The following MALRD1 variants were observed in gnomAD, a reference collection of about 807,000 sequenced individuals.
MALRD1 encodes MAM and LDL-receptor class A domain-containing protein 1.
A neutral mutation model predicts 242.1 loss-of-function variants in MALRD1; 247 were observed. The ratio of observed to expected loss-of-function variants is 1.02; its 90% CI spans 0.92 to 1.13. MALRD1 has a LOEUF of 1.13. Ranked by LOEUF, MALRD1 falls within the 50% of genes most tolerant of loss-of-function variation. The pLI is 0.00. For synonymous variants in MALRD1, 995 were observed against 866.6 expected (o/e 1.15, Z -2.60); for missense variants, 2,989 against 2,533.1 (o/e 1.18, Z -3.86).
At chr10:19,201,449 A>G (rs1836537243) in intron 14 of MALRD1, among the ~76,000 whole-genome samples, 1 of 152,220 alleles carries the variant, frequency 6.6e-6, no homozygotes, top group Admixed American at 6.5e-5. Flanking sequence ...ATCTCCCTGG[A>G]TAGCAGATAA....
intron 21 of MALRD1, among the ~76,000 whole-genome samples, chr10:19,317,431 T>G (rs1027040123): frequency 1.4e-4 from 22 of 152,114 alleles, no homozygotes; most frequent in Middle Eastern, 6.8e-3. Flanking sequence ...ATACAAATTT[T>G]GGGGTATGGA....
In MALRD1 at chr10:19,681,762, A is replaced by T. The variant is rs118139103; in HGVS notation, c.6138-10520A>T. On this transcript the variant is annotated intron_variant, in intron 36 of 39. Transcript: ENST00000454679. Reference sequence around the variant, plus strand: ...CACTCTGGGTTTTTGAGTTTTCTGCATTTTTTCGTTGATTCTTTCTCATCT... The same window carrying T: ...CACTCTGGGTTTTTGAGTTTTCTGCTTTTTTTCGTTGATTCTTTCTCATCT... Among the ~76,000 whole-genome samples, 391 of 150,298 alleles carry T rather than the reference A, an allele frequency of 2.6e-3. 6 individuals carry two copies. The East Asian group carries it at 0.059, about 23-fold the overall frequency.
chr10:19,587,230 T>A (rs74786363), intron 33 of MALRD1, among the ~76,000 whole-genome samples: 2,054 of 152,322 alleles, frequency 0.013, 34 homozygotes, highest in African/African-American at 0.047. Flanking sequence ...GCTGTTCCTA[T>A]TTGGCCATCT....
intron 18 of MALRD1, among the ~76,000 whole-genome samples, chr10:19,256,717 T>C (rs913064315): frequency 6.6e-6 from 1 of 152,094 alleles, no homozygotes; most frequent in Non-Finnish European, 1.5e-5. Context: ...CAATTTGACC[T>C]TTTAAAACTT....
At chr10:19,325,282 C>T (rs1402244393) in intron 22 of MALRD1, among the ~76,000 whole-genome samples, 1 of 151,966 alleles carries the variant, frequency 6.6e-6, no homozygotes, top group African/African-American at 2.4e-5. Context: ...CTTAACGAAC[C>T]TCCATGTCTC....
At chr10:19,144,814 T>C (rs1028773584) in intron 10 of MALRD1, among the ~76,000 whole-genome samples, 7 of 143,182 alleles carry the variant, frequency 4.9e-5, no homozygotes, top group African/African-American at 1.8e-4. Flanking sequence ...GGAAATGGTA[T>C]TTACTATGTA....
At chr10:19,084,328 T>C (rs1253741064) in intron 2 of MALRD1, among the ~76,000 whole-genome samples, 2 of 151,944 alleles carry the variant, frequency 1.3e-5, no homozygotes, top group African/African-American at 4.8e-5. Context: ...TGTCAGAAAT[T>C]AGTGCACTTT....
intron 33 of MALRD1, among the ~76,000 whole-genome samples, chr10:19,570,358 T>C (rs904474434): frequency 1.3e-5 from 2 of 152,086 alleles, no homozygotes; most frequent in African/African-American, 2.4e-5. Context: ...AAATCTGATG[T>C]AATTCATTGG....
chr10:19,087,806 T>G (rs377517774), intron 2 of MALRD1, 34 bp from the exon 3 acceptor site: 121 of 1,014,998 alleles, frequency 1.2e-4, no homozygotes, highest in Middle Eastern at 9.2e-4. Context: ...TTCTTTCTGG[T>G]TTTTTTTTGT....
chr10:19,557,297 C>T (rs185161487), intron 32 of MALRD1, among the ~76,000 whole-genome samples: 15 of 152,134 alleles, frequency 9.9e-5, no homozygotes, highest in Middle Eastern at 3.4e-3. Flanking sequence ...TTAACAAAGT[C>T]CAACTTACCA....
chr10:19,385,238 G>A (rs1297299212), intron 26 of MALRD1, among the ~76,000 whole-genome samples: 1 of 151,862 alleles, frequency 6.6e-6, no homozygotes, highest in African/African-American at 2.4e-5. Context: ...TGTAGTGTTT[G>A]TGCATGGCTT....
At chr10:19,654,598 G>C (rs1362512536) in intron 36 of MALRD1, among the ~76,000 whole-genome samples, 1 of 152,104 alleles carries the variant, frequency 6.6e-6, no homozygotes, top group East Asian at 1.9e-4. Flanking sequence ...CTTTGCTTTC[G>C]CTTACTCTCA....
At chr10:19,584,357 C>T (rs1022138754) in intron 33 of MALRD1, among the ~76,000 whole-genome samples, 7 of 152,222 alleles carry the variant, frequency 4.6e-5, no homozygotes, top group African/African-American at 1.7e-4. Flanking sequence ...CTCTTGTGGG[C>T]ATTTAGTGCT....
intron 26 of MALRD1, among the ~76,000 whole-genome samples, chr10:19,380,055 G>T (rs1440462453): frequency 1.3e-5 from 2 of 148,280 alleles, no homozygotes; most frequent in Non-Finnish European, 3.0e-5. Context: ...GCTCACTGCA[G>T]CCTCTGCCTC....
chr10:19,204,824 T>C, intron 16 of MALRD1, 74 bp from the exon 17 acceptor site: 1 of 1,393,660 alleles, frequency 7.2e-7, no homozygotes, highest in Non-Finnish European at 9.6e-7. Flanking sequence ...GTTGACTGAG[T>C]AGAAAAATCT....
intron 26 of MALRD1, among the ~76,000 whole-genome samples, chr10:19,384,465 A>T (rs1459959643): frequency 8.6e-5 from 10 of 116,882 alleles, no homozygotes; most frequent in South Asian, 4.5e-4. Context: ...AATATAATAT[A>T]TACTATATAT....
At chr10:19,535,576 C>CATATATATACACATAT (rs1564422240) in intron 32 of MALRD1, among the ~76,000 whole-genome samples, 5 of 147,556 alleles carry the variant, frequency 3.4e-5, no homozygotes, top group African/African-American at 1.3e-4. Context: ...TATGTATATA[C>CATATATATACACATAT]GTATATATAT....
chr10:19,355,810 C>CAGG (rs1276071126), intron 26 of MALRD1, among the ~76,000 whole-genome samples: 14 of 125,252 alleles, frequency 1.1e-4, no homozygotes, highest in African/African-American at 3.8e-4. Context: ...GAAGACTCTG[C>CAGG]AGGAGTCTGA....
intron 26 of MALRD1, among the ~76,000 whole-genome samples, chr10:19,366,144 C>T (rs1253354061): frequency 6.6e-6 from 1 of 151,718 alleles, no homozygotes; most frequent in African/African-American, 2.4e-5. Context: ...TATTACTACA[C>T]TGTAATATGT....
Sources: gnomAD v4.1 joint callset for allele counts (sites outside exome capture counted in the v4.1 genomes callset) on GRCh38, gnomAD v4.1.1 for gene constraint, MANE v1.5 for transcripts, NCBI Gene and HGNC (gene_info 2026-07-23, HGNC 2026-07-21) for gene names.